The following RIOK1 variants were observed in gnomAD, a reference collection of about 807,000 sequenced individuals.
RIOK1 encodes the protein serine/threonine-protein kinase RIO1.
Under a neutral mutation model 73.5 loss-of-function variants are expected in RIOK1, and 66 were observed. The ratio of observed to expected loss-of-function variants is 0.90; its 90% confidence interval spans 0.74 to 1.10. The LOEUF (loss-of-function observed/expected upper bound fraction) is 1.10. RIOK1 is among the 50% of genes least tolerant of loss of function. The probability of loss-of-function intolerance (pLI) is 0.00; values close to 1 mark genes in which losing one functional copy is unlikely to be tolerated. For missense variants in RIOK1, 658 were observed against 699.8 expected (o/e 0.94, Z 0.67); for synonymous variants, 224 against 226.8 (o/e 0.99, Z 0.11).
intron 8 of RIOK1, 81 bp from the exon 9 acceptor site, chr6:7,403,856 TATTA>T (rs1472233696): frequency 2.4e-6 from 2 of 833,474 alleles, no homozygotes; most frequent in African/African-American, 1.7e-5. Flanking sequence ...TTAACAGCAA[TATTA>T]ATCTTGGGAC....
intron 2 of RIOK1, 70 bp downstream of exon 2, chr6:7,393,373 G>A (rs889986955): frequency 7.7e-7 from 1 of 1,300,620 alleles, no homozygotes; most frequent in Non-Finnish European, 1.1e-6. Context: ...AGGCTGTTTT[G>A]TGATTCTGAA....
At position 7,405,340 on chromosome 6, in the gene RIOK1, T is replaced by C; in HGVS notation, c.1188T>C (p.Asp396=). 6.2e-7 allele frequency: 1 copy of C among 1,601,518 alleles called. No individual in the cohort carries two copies. The highest frequency in any genetic ancestry group is 8.6e-7 in the Non-Finnish European group (1 of 1,168,712). The change falls in exon 12 of 17, where the codon GAT becomes GAC. Residue 396 remains aspartate, a synonymous_variant. Coordinates refer to ENST00000379834, the MANE Select transcript of RIOK1 (RefSeq NM_031480.3). ...TDPSITHENM[D]AYLSKAMEIA... is the part of the protein sequence containing the mutation. ...CATCCATTACACATGAGAACATGGA[T>C]GCTTATCTCTCAAAGGTAAGATGGG...
intron 12 of RIOK1, 108 bp from the exon 13 acceptor site, chr6:7,410,278 G>A: frequency 2.8e-6 from 2 of 724,264 alleles, no homozygotes; most frequent in South Asian, 1.6e-5. Context: ...CTAAGTGTGA[G>A]GAGGTGATAC....
In RIOK1 at chr6:7,398,732, G is replaced by A; in HGVS notation, c.472G>A (p.Val158Ile). The A allele has an allele frequency of 6.2e-7, 1 of 1,611,406 alleles. No individual in the cohort carries two copies. ...RIKDKADRATVEQVLDPRTRM... is the reference protein window; with the variant it reads ...RIKDKADRATIEQVLDPRTRM... The stretch of plus-strand genomic sequence containing the variant: ...CAAAGATAAGGCAGACAGAGCAACT[G>A]TAGAACAGGTACAATTTAAATGTGT... The change falls in exon 5 of 17, where the codon GTA (valine) becomes ATA (isoleucine). Residue 158 changes from valine (V) to isoleucine (I), a missense_variant. Coordinates refer to ENST00000379834, the MANE Select transcript of RIOK1 (RefSeq NM_031480.3).
At chr6:7,394,877 G>C in intron 2 of RIOK1, 176 bp from the exon 3 acceptor site, 1 of 836,710 alleles carries the variant, frequency 1.2e-6, no homozygotes, top group South Asian at 1.6e-5. Context: ...TTAACCTTCT[G>C]TTTCAAATGC....
intron 4 of RIOK1, 95 bp downstream of exon 4, chr6:7,396,867 G>A (rs922123953): frequency 4.3e-6 from 3 of 694,844 alleles, no homozygotes; most frequent in Middle Eastern, 2.9e-4. Flanking sequence ...ATGTTCATTT[G>A]TATACTTAAA....
Position 7,404,456 on chromosome 6 carries a change from C to G in RIOK1, c.893C>G (p.Ser298Cys), listed in dbSNP as rs1387104467. 6.2e-7 allele frequency: 1 copy of G among 1,614,128 alleles called. No individual in the cohort carries two copies. Among genetic ancestry groups the G allele is most frequent in the East Asian group, 2.2e-5 (1 of 44,874 alleles). ...TTGAAAAATGTCCAGTTATCAGAAT[C>G]CAAGGCTCGGGAGTTGTACCTGCAG... ...PLLKNVQLSE[S>C]KARELYLQVI... The change falls in exon 10 of 17, where the codon TCC (serine) becomes TGC (cysteine). Residue 298 changes from serine (S) to cysteine (C), a missense_variant. Ser to Cys is a moderately radical substitution (Grantham distance 112, BLOSUM62 -1). Coordinates refer to ENST00000379834, the MANE Select transcript of RIOK1 (RefSeq NM_031480.3).
chr6:7,400,411 A>G (rs1243753205), intron 5 of RIOK1, among the ~76,000 whole-genome samples: 1 of 152,206 alleles, frequency 6.6e-6, no homozygotes, highest in Non-Finnish European at 1.5e-5. Flanking sequence ...CCACGACGGT[A>G]GCCACTGGGC....
chr6:7,408,661 T>C (rs184862723), intron 12 of RIOK1, among the ~76,000 whole-genome samples: 1 of 152,270 alleles, frequency 6.6e-6, no homozygotes, highest in East Asian at 1.9e-4. Context: ...GTTAATGGAA[T>C]AAATAAGTGT....
In RIOK1 at chr6:7,417,604, C is replaced by CT. The variant is rs1762041028; in HGVS notation, c.*164dup. The stretch of plus-strand genomic sequence containing the variant: ...TTTTCATGTAACTATGTAAAAAGCT[C>CT]TAAGCTCTAGAGTCTAGATCCAGTC... On this transcript the variant is annotated 3_prime_UTR_variant, in exon 17 of 17. Coordinates refer to ENST00000379834, the MANE Select transcript of RIOK1 (RefSeq NM_031480.3). The CT allele has an allele frequency of 2.1e-6, 1 of 475,398 alleles. No individual in the cohort carries two copies. Among genetic ancestry groups the CT allele is most frequent in the Non-Finnish European group, 3.8e-6 (1 of 261,814 alleles). The allele number at this position is 475,398 out of a possible 1,614,324, so 29.4% of individuals were successfully genotyped here. A position where few individuals can be genotyped will look rare whatever the true frequency, so the allele number is the denominator to read the frequency against.
chr6:7,390,169 A>G, intron 1 of RIOK1, 96 bp downstream of exon 1: 1 of 1,007,802 alleles, frequency 9.9e-7, no homozygotes, highest in Non-Finnish European at 1.5e-6. Flanking sequence ...GAGGGAGACT[A>G]GTGGTTCATC....
chr6:7,390,181 C>T (rs1245269104), intron 1 of RIOK1, 108 bp downstream of exon 1: 5 of 877,364 alleles, frequency 5.7e-6, no homozygotes, highest in African/African-American at 1.7e-5. Flanking sequence ...TGGTTCATCA[C>T]TCAGCGTCTC....
In RIOK1 at chr6:7,397,153, A is replaced by G. The variant is rs138774081; in HGVS notation, c.437+381A>G. The stretch of plus-strand genomic sequence containing the variant: ...GTGGTGCACGCCTGTAATCCCAGCT[A>G]CTCAGGAGGCTGAGGTGTGAGAATC... On this transcript the variant is annotated intron_variant, in intron 4 of 16. Transcript: ENST00000379834. Among the ~76,000 whole-genome samples the G allele has an allele frequency of 1.1e-3, 175 of 152,236 alleles. No individual in the cohort carries two copies. In the Middle Eastern group the frequency reaches 0.014, roughly 12 times the overall value.
chr6:7,397,240 G>A (rs1469345589), intron 4 of RIOK1, among the ~76,000 whole-genome samples: 1 of 151,982 alleles, frequency 6.6e-6, no homozygotes, highest in African/African-American at 2.4e-5. Flanking sequence ...CTCCAGCCTG[G>A]GCCACAGAGC....
Position 7,403,986 on chromosome 6 carries a change from A to T in RIOK1, c.813A>T (p.Arg271Ser). 6.2e-7 allele frequency: 1 copy of T among 1,612,704 alleles called. No individual in the cohort carries two copies. The highest frequency in any genetic ancestry group is 2.2e-5 in the East Asian group (1 of 44,772). Residue 271 changes from arginine to serine, a missense_variant, in exon 9 of 17, where the codon AGA (arginine) becomes AGT (serine). Coordinates refer to ENST00000379834, the MANE Select transcript of RIOK1 (RefSeq NM_031480.3). ...EIPCPEPIML[R>S]SHVLVMSFIG... ...CATGTCCAGAACCAATAATGCTAAG[A>T]AGTCATGTTCTTGTCATGAGTTTCA...
At position 7,413,658 on chromosome 6, in the gene RIOK1, A is replaced by G. The variant is rs138425133; in HGVS notation, c.1444-580A>G. 1.8e-4 allele frequency among the ~76,000 whole-genome samples: 28 copies of G among 152,320 alleles called. No homozygotes were observed. The East Asian group carries it at 5.4e-3, about 29-fold the overall frequency. Reference sequence around the variant, plus strand: ...TTGGATTCCAGAGCATGAAGATTTTATTGCAGCAAGCTAGAAAATCTTGTT... The same window carrying G: ...TTGGATTCCAGAGCATGAAGATTTTGTTGCAGCAAGCTAGAAAATCTTGTT... On this transcript the variant is annotated intron_variant, in intron 15 of 16. Coordinates refer to ENST00000379834, the MANE Select transcript of RIOK1 (RefSeq NM_031480.3).
At chr6:7,394,659 T>G (rs984215519) in intron 2 of RIOK1, among the ~76,000 whole-genome samples, 1 of 152,206 alleles carries the variant, frequency 6.6e-6, no homozygotes, top group Non-Finnish European at 1.5e-5. Flanking sequence ...TCTTGAGACA[T>G]TGGGCCCAAA....
chr6:7,391,704 GGT>G (rs1761346334), intron 1 of RIOK1, among the ~76,000 whole-genome samples: 1 of 152,180 alleles, frequency 6.6e-6, no homozygotes, highest in Admixed American at 6.5e-5. Context: ...CACAGCTGGG[GGT>G]GGTGGTACAT....
intron 9 of RIOK1, 108 bp from the exon 10 acceptor site, chr6:7,404,310 C>T: frequency 7.8e-7 from 1 of 1,288,798 alleles, no homozygotes; most frequent in East Asian, 2.3e-5. Flanking sequence ...CAGATTGTCC[C>T]ACATACAGCT....
Sources: gnomAD v4.1 joint callset for allele counts (sites outside exome capture counted in the v4.1 genomes callset) on GRCh38, gnomAD v4.1.1 for gene constraint, MANE v1.5 for transcripts, NCBI Gene and HGNC (gene_info 2026-07-23, HGNC 2026-07-21) for gene names.